CFAP100: variants seen among roughly 807,000 people sequenced by gnomAD.
CFAP100 encodes the protein cilia and flagella associated protein 100.
A neutral mutation model predicts 81.5 loss-of-function variants in CFAP100; 70 were observed. That is an observed-to-expected ratio of 0.86 (90% CI 0.71 to 1.05). CFAP100 has a LOEUF of 1.05. Among genes scored for constraint, CFAP100 ranks in the 50% least tolerant of loss-of-function variants. The pLI is 0.00. For missense variants in CFAP100, 811 were observed against 776.5 expected (o/e 1.04, Z -0.53); for synonymous variants, 341 against 314.8 (o/e 1.08, Z -0.88).
intron 13 of CFAP100, among the ~76,000 whole-genome samples, chr3:126,429,975 AT>A (rs1296054803): frequency 1.3e-5 from 2 of 152,124 alleles, no homozygotes; most frequent in African/African-American, 4.8e-5. Flanking sequence ...AGTACTTTAA[AT>A]ATATCAACCC....
intron 13 of CFAP100, among the ~76,000 whole-genome samples, chr3:126,429,242 C>G (rs537572923): frequency 6.6e-6 from 1 of 152,014 alleles, no homozygotes; most frequent in East Asian, 1.9e-4. Flanking sequence ...TGTCAATCTC[C>G]CTATTTGTTA....
At chr3:126,433,869 C>T (rs1204959025) in intron 14 of CFAP100, 1 of 379,966 alleles carries the variant, frequency 2.6e-6, no homozygotes, top group Non-Finnish European at 4.8e-6. Context: ...AAGACATAGC[C>T]CTGTGGGGTG....
At chr3:126,420,373 C>A in intron 11 of CFAP100, 144 bp downstream of exon 11, 2 of 1,209,624 alleles carry the variant, frequency 1.7e-6, no homozygotes, top group Non-Finnish European at 2.3e-6. Flanking sequence ...CAGACAGGGA[C>A]GTCCCAGGCC....
At chr3:126,433,947 G>C (rs1451497640) in intron 14 of CFAP100, 4 of 529,496 alleles carry the variant, frequency 7.6e-6, no homozygotes, top group Non-Finnish European at 1.0e-5. Context: ...AGCTGGGAGA[G>C]GGGCTGGAAC....
Position 126,414,090 on chromosome 3 carries a change from G to A in CFAP100, c.136G>A (p.Gly46Ser). The stretch of plus-strand genomic sequence containing the variant: ...AGAGGTGTCTCCCTTTCCAGAACAT[G>A]GTCCTGACCCTTCAGCGAACCCTTT... ...KKQARKNEEH[G>S]PDPSANPFHL... The change falls in exon 4 of 17, where the codon GGT (glycine) becomes AGT (serine). Residue 46 changes from glycine to serine, a missense_variant. Gly to Ser is a moderately conservative substitution (Grantham distance 56). Transcript: ENST00000352312. 6.2e-7 allele frequency: 1 copy of A among 1,612,458 alleles called. No homozygotes were observed. Among genetic ancestry groups the A allele is most frequent in the African/African-American group, 1.3e-5 (1 of 74,976 alleles).
intron 13 of CFAP100, among the ~76,000 whole-genome samples, chr3:126,430,405 T>G (rs1464416290): frequency 6.6e-6 from 1 of 152,196 alleles, no homozygotes; most frequent in African/African-American, 2.4e-5. Context: ...TTTAAAGTGA[T>G]GGACATCCCA....
chr3:126,407,142 G>C (rs2083076555), intron 2 of CFAP100, 30 bp from the exon 3 acceptor site: 1 of 1,550,038 alleles, frequency 6.5e-7, no homozygotes, highest in African/African-American at 1.4e-5. Flanking sequence ...GGGAGTCACT[G>C]CTGCGGCCCT....
Position 126,433,036 on chromosome 3 carries a change from G to T in CFAP100, c.1287-33G>T. On this transcript the variant is annotated intron_variant, in intron 13 of 16. Transcript: ENST00000352312. Reference sequence around the variant, plus strand: ...CGATGTGCCCAGGGCTGTGCTGAGTGACTGATGCCCTGCCGGTTTTCCCCT... The same window carrying T: ...CGATGTGCCCAGGGCTGTGCTGAGTTACTGATGCCCTGCCGGTTTTCCCCT... The T allele has an allele frequency of 1.9e-6, 3 of 1,612,730 alleles. No homozygotes were observed. The South Asian group carries it at 3.3e-5, about 18-fold the overall frequency.
At chr3:126,398,270 G>A (rs564728279) in intron 2 of CFAP100, among the ~76,000 whole-genome samples, 59 of 152,342 alleles carry the variant, frequency 3.9e-4, no homozygotes, top group African/African-American at 1.4e-3. Context: ...AGTTCCAGGA[G>A]AGGCACTGGG....
intron 2 of CFAP100, among the ~76,000 whole-genome samples, chr3:126,405,789 C>T (rs904522104): frequency 6.6e-6 from 1 of 151,990 alleles, no homozygotes; most frequent in African/African-American, 2.4e-5. Context: ...ATTGCTCTTT[C>T]ATTCTTTCTT....
intron 13 of CFAP100, among the ~76,000 whole-genome samples, chr3:126,428,134 C>T (rs567615962): frequency 6.6e-6 from 1 of 152,280 alleles, no homozygotes; most frequent in South Asian, 2.1e-4. Flanking sequence ...CAATATTAAT[C>T]ATTAAACTGT....
At chr3:126,395,152 C>T (rs1008775879) in intron 1 of CFAP100, among the ~76,000 whole-genome samples, 174 bp downstream of exon 1, 2 of 152,216 alleles carry the variant, frequency 1.3e-5, no homozygotes, top group Non-Finnish European at 2.9e-5. Context: ...ACACACCCAT[C>T]TACCATCCAC....
At chr3:126,418,939 C>G (rs2083285859) in intron 7 of CFAP100, 137 bp from the exon 8 acceptor site, 1 of 1,028,140 alleles carries the variant, frequency 9.7e-7, no homozygotes, top group African/African-American at 1.6e-5. Flanking sequence ...GGGCAAAAGG[C>G]TTAACTGTGT....
intron 5 of CFAP100, among the ~76,000 whole-genome samples, chr3:126,417,615 G>A (rs1387653435): frequency 6.6e-6 from 1 of 152,190 alleles, no homozygotes; most frequent in Non-Finnish European, 1.5e-5. Flanking sequence ...AAGACCTGGA[G>A]GAGAGGCAAG....
intron 2 of CFAP100, among the ~76,000 whole-genome samples, chr3:126,399,480 C>T (rs568874372): frequency 1.1e-4 from 17 of 152,216 alleles, no homozygotes; most frequent in Admixed American, 1.0e-3. Context: ...ATGACACAAC[C>T]CTATATATAG....
Position 126,429,129 on chromosome 3 carries a change from A to G in CFAP100, c.1287-3940A>G, listed in dbSNP as rs994629489. On this transcript the variant is annotated intron_variant, in intron 13 of 16. Coordinates refer to ENST00000352312, the MANE Select transcript of CFAP100 (RefSeq NM_182628.3). ...ATCCAAAAAAAAAAAAAAAAAAAAA[A>G]AAAAAGAAAGGATTACTGTTAATTC... Among the ~76,000 whole-genome samples the G allele has an allele frequency of 2.1e-5, 3 of 140,382 alleles. No individual in the cohort carries two copies. The South Asian group carries it at 6.6e-4, about 31-fold the overall frequency. 92.1% of individuals were successfully genotyped at this position (140,382 alleles called of 152,430 possible).
intron 2 of CFAP100, among the ~76,000 whole-genome samples, chr3:126,397,122 T>C (rs2107579104): frequency 6.6e-6 from 1 of 152,330 alleles, no homozygotes; most frequent in East Asian, 1.9e-4. Flanking sequence ...GCACCTTGAT[T>C]TTTTTAATTA....
rs769835423 is a variant in CFAP100, at chr3:126,407,269, G to A, written c.130+17G>A. Reference sequence around the variant, plus strand: ...AAAACGAAGGTAACCTTCAAGCTGGGAGGCTAAAGTCCAAGTTGGCAGGAG... The same window carrying A: ...AAAACGAAGGTAACCTTCAAGCTGGAAGGCTAAAGTCCAAGTTGGCAGGAG... On this transcript the variant is annotated intron_variant, in intron 3 of 16. Transcript: ENST00000352312. 1.9e-6 allele frequency: 3 copies of A among 1,602,192 alleles called. No individual in the cohort carries two copies. Among genetic ancestry groups the A allele is most frequent in the Non-Finnish European group, 1.7e-6 (2 of 1,170,464 alleles).
At chr3:126,414,026 C>A in intron 3 of CFAP100, 59 bp from the exon 4 acceptor site, 2 of 1,302,354 alleles carry the variant, frequency 1.5e-6, no homozygotes, top group Non-Finnish European at 2.2e-6. Flanking sequence ...GCCCCAGAGA[C>A]AGAGACCACC....
Sources: gnomAD v4.1 joint callset for allele counts (sites outside exome capture counted in the v4.1 genomes callset) on GRCh38, gnomAD v4.1.1 for gene constraint, MANE v1.5 for transcripts, NCBI Gene and HGNC (gene_info 2026-07-23, HGNC 2026-07-21) for gene names.